BCAS4: variants seen among roughly 807,000 people sequenced by gnomAD.
The protein encoded by BCAS4 is breast carcinoma-amplified sequence 4.
A neutral mutation model predicts 15.7 loss-of-function variants in BCAS4; 9 were observed. The observed-to-expected ratio is 0.57, with a 90% CI of 0.34 to 1.00. The LOEUF (loss-of-function observed/expected upper bound fraction) is 1.00, where lower values mean the gene tolerates loss of function less well. Among genes scored for constraint, BCAS4 ranks in the 50% least tolerant of loss-of-function variants. The probability of loss-of-function intolerance (pLI) is 0.02; values close to 1 mark genes in which losing one functional copy is unlikely to be tolerated. For synonymous variants in BCAS4, 101 were observed against 99.5 expected (o/e 1.02, Z -0.09); for missense variants, 225 against 239.1 (o/e 0.94, Z 0.39).
At chr20:50,873,859 C>T (rs1013276319) in intron 4 of BCAS4, among the ~76,000 whole-genome samples, 1 of 152,182 alleles carries the variant, frequency 6.6e-6, no homozygotes, top group African/African-American at 2.4e-5. Flanking sequence ...TGGCCAGGTG[C>T]GTCACTTGTC....
At chr20:50,826,332 G>A (rs532605763) in intron 2 of BCAS4, among the ~76,000 whole-genome samples, 3 of 152,298 alleles carry the variant, frequency 2.0e-5, no homozygotes, top group African/African-American at 7.2e-5. Flanking sequence ...GGTGATGACT[G>A]TGGAAACCCC....
intron 3 of BCAS4, chr20:50,840,971 G>A (rs11696887): frequency 0.13 from 61,849 of 491,586 alleles, 5,645 homozygotes; most frequent in African/African-American, 0.36. Flanking sequence ...CTGGGATTAC[G>A]GGCATGTGCC....
chr20:50,824,250 A>G (rs2088251111), intron 2 of BCAS4, among the ~76,000 whole-genome samples: 2 of 152,218 alleles, frequency 1.3e-5, no homozygotes, highest in Admixed American at 1.3e-4. Context: ...GCTCACATAA[A>G]TGGAGAACAT....
At chr20:50,875,546 C>G (rs2122697723) in intron 4 of BCAS4, among the ~76,000 whole-genome samples, 1 of 149,450 alleles carries the variant, frequency 6.7e-6, no homozygotes, top group East Asian at 2.0e-4. Context: ...GGGCGAGTCA[C>G]CGGAGGCCAG....
At chr20:50,824,394 T>G (rs1396429110) in intron 2 of BCAS4, among the ~76,000 whole-genome samples, 2 of 152,200 alleles carry the variant, frequency 1.3e-5, no homozygotes, top group African/African-American at 4.8e-5. Context: ...CCTCAGAACC[T>G]GCTGCCCAGA....
At chr20:50,811,120 CA>C (rs1325662437) in intron 1 of BCAS4, among the ~76,000 whole-genome samples, 1 of 152,102 alleles carries the variant, frequency 6.6e-6, no homozygotes, top group Non-Finnish European at 1.5e-5. Flanking sequence ...GCAGTGAGAT[CA>C]GGGGGAGGTG....
chr20:50,799,834 T>G (rs1261510353), intron 1 of BCAS4, among the ~76,000 whole-genome samples: 1 of 152,082 alleles, frequency 6.6e-6, no homozygotes, highest in East Asian at 1.9e-4. Flanking sequence ...GGTGGGCGGA[T>G]CCTTTGTACC....
intron 3 of BCAS4, among the ~76,000 whole-genome samples, chr20:50,837,621 A>G (rs1314937509): frequency 2.6e-5 from 4 of 152,196 alleles, no homozygotes; most frequent in Non-Finnish European, 5.9e-5. Flanking sequence ...GCTCACCTGC[A>G]GCCACCACAT....
chr20:50,858,475 G>A (rs1010973496), intron 4 of BCAS4, among the ~76,000 whole-genome samples: 13 of 152,194 alleles, frequency 8.5e-5, no homozygotes, highest in East Asian at 5.8e-4. Context: ...GGTGGCAAGC[G>A]CCTGTAATCT....
At chr20:50,826,576 T>C (rs932994986) in intron 2 of BCAS4, among the ~76,000 whole-genome samples, 2 of 152,246 alleles carry the variant, frequency 1.3e-5, no homozygotes, top group African/African-American at 4.8e-5. Context: ...TTTAAATACA[T>C]TTTTAATTTT....
chr20:50,866,764 G>C (rs1442561587), intron 4 of BCAS4, among the ~76,000 whole-genome samples: 1 of 152,196 alleles, frequency 6.6e-6, no homozygotes, highest in African/African-American at 2.4e-5. Context: ...AGATGCTGGA[G>C]CTGGGCAGGC....
In BCAS4 at chr20:50,876,657, C is replaced by A. The variant is rs1267976573; in HGVS notation, c.*49C>A. On this transcript the variant is annotated 3_prime_UTR_variant, in exon 5 of 5. Coordinates refer to ENST00000371608, the MANE Select transcript of BCAS4 (RefSeq NM_198799.4). Reference sequence around the variant, plus strand: ...ACGCTGGAAAGTGACATTGTGTACACACTGCAGCTTGGGGGTTTTTTCTTT... The same window carrying A: ...ACGCTGGAAAGTGACATTGTGTACAAACTGCAGCTTGGGGGTTTTTTCTTT... 1 of 1,580,384 alleles carries A rather than the reference C, an allele frequency of 6.3e-7. No individual in the cohort carries two copies. The highest frequency in any genetic ancestry group is 8.6e-7 in the Non-Finnish European group (1 of 1,167,348).
intron 1 of BCAS4, among the ~76,000 whole-genome samples, chr20:50,801,482 C>G (rs2087926164): frequency 6.6e-6 from 1 of 152,234 alleles, no homozygotes; most frequent in South Asian, 2.1e-4. Context: ...GGTCTACTGT[C>G]TCAAAGATGT....
intron 1 of BCAS4, among the ~76,000 whole-genome samples, chr20:50,801,991 G>T (rs1291839985): frequency 6.6e-6 from 1 of 151,964 alleles, no homozygotes; most frequent in Admixed American, 6.6e-5. Context: ...GGTCCCCAGG[G>T]GGGGAGTCTG....
intron 1 of BCAS4, among the ~76,000 whole-genome samples, chr20:50,797,709 AG>A (rs1156262859): frequency 6.6e-6 from 1 of 152,134 alleles, no homozygotes; most frequent in African/African-American, 2.4e-5. Context: ...CTTGTTGCCC[AG>A]GCTGGAGTGC....
intron 3 of BCAS4, among the ~76,000 whole-genome samples, chr20:50,838,363 G>C (rs1052617260): frequency 2.0e-5 from 3 of 152,182 alleles, no homozygotes; most frequent in African/African-American, 7.2e-5. Flanking sequence ...GGTGGCTCCA[G>C]AGTGCCTGCC....
intron 4 of BCAS4, among the ~76,000 whole-genome samples, 155 bp from the exon 5 acceptor site, chr20:50,876,331 C>T (rs1011234021): frequency 7.5e-6 from 1 of 132,556 alleles, no homozygotes; most frequent in African/African-American, 3.8e-5. Context: ...TTTGGGTGGC[C>T]GGCTTTGGCT....
chr20:50,821,908 G>A (rs569894834), intron 2 of BCAS4, among the ~76,000 whole-genome samples: 1 of 152,138 alleles, frequency 6.6e-6, no homozygotes, highest in East Asian at 1.9e-4. Flanking sequence ...TTCTACTGTG[G>A]GGCCATGGAC....
chr20:50,802,773 C>G (rs1048810597), intron 1 of BCAS4, among the ~76,000 whole-genome samples: 4 of 152,152 alleles, frequency 2.6e-5, no homozygotes, highest in African/African-American at 9.7e-5. Flanking sequence ...ACTTGGGAGG[C>G]TGAGGCAGGA....
Sources: allele counts gnomAD v4.1 joint callset (sites outside exome capture counted in the v4.1 genomes callset), GRCh38; gene constraint gnomAD v4.1.1; transcripts MANE v1.5; gene names NCBI Gene and HGNC (gene_info 2026-07-23, HGNC 2026-07-21).